CCSER1: variants seen among roughly 807,000 people sequenced by gnomAD.
CCSER1 encodes coiled-coil serine rich protein 1.
Under a neutral mutation model 82.0 loss-of-function variants are expected in CCSER1, and 41 were observed. That is an observed-to-expected ratio of 0.50 (90% CI 0.39 to 0.65). The LOEUF is 0.65. Among genes scored for constraint, CCSER1 ranks in the 30% least tolerant of loss-of-function variants. The pLI, the probability that CCSER1 is intolerant of heterozygous loss-of-function variation, is 0.00. For missense variants in CCSER1, 1,119 were observed against 1,064.2 expected (o/e 1.05, Z -0.72); for synonymous variants, 414 against 383.9 (o/e 1.08, Z -0.92).
chr4:91,224,182 T>C (rs1204982389), intron 10 of CCSER1, among the ~76,000 whole-genome samples: 1 of 152,046 alleles, frequency 6.6e-6, no homozygotes, highest in African/African-American at 2.4e-5. Flanking sequence ...GCAAATTCGC[T>C]AAAGCATGCA....
At chr4:91,087,869 TAA>T (rs566825909) in intron 10 of CCSER1, among the ~76,000 whole-genome samples, 4 of 152,138 alleles carry the variant, frequency 2.6e-5, no homozygotes, top group African/African-American at 4.8e-5. Context: ...TCCCTGTGAC[TAA>T]GAGGCCTAGT....
At chr4:90,458,568 T>A (rs1762479514) in intron 4 of CCSER1, among the ~76,000 whole-genome samples, 1 of 152,034 alleles carries the variant, frequency 6.6e-6, no homozygotes, top group Admixed American at 6.6e-5. Flanking sequence ...TTGGCCAGGC[T>A]GGTCTCGAAC....
rs550130708 is a variant in CCSER1, at chr4:91,099,807, T to C, written c.2217+13813T>C. Among the ~76,000 whole-genome samples the C allele has an allele frequency of 1.2e-4, 18 of 152,290 alleles. No homozygotes were observed. In the South Asian group the frequency reaches 3.7e-3, roughly 32 times the overall value. ...AAAAGACTGTGGAGACCAAGGTTCT[T>C]TTGAGGTCTTATAGTGGCTGCTCTT... On this transcript the variant is annotated intron_variant, in intron 10 of 10. Coordinates refer to ENST00000509176, the MANE Select transcript of CCSER1 (RefSeq NM_001145065.2).
At chr4:90,604,443 T>C (rs550563099) in intron 5 of CCSER1, among the ~76,000 whole-genome samples, 6 of 152,226 alleles carry the variant, frequency 3.9e-5, no homozygotes, top group Non-Finnish European at 8.8e-5. Context: ...ATTCAGCTCT[T>C]TAAATTTAGT....
At chr4:90,568,224 T>G (rs1779635102) in intron 5 of CCSER1, among the ~76,000 whole-genome samples, 2 of 152,322 alleles carry the variant, frequency 1.3e-5, no homozygotes, top group South Asian at 4.1e-4. Flanking sequence ...CTTATTGGTT[T>G]TCTGTCTGGA....
At chr4:90,998,196 T>G (rs1464494591) in intron 9 of CCSER1, among the ~76,000 whole-genome samples, 2 of 152,156 alleles carry the variant, frequency 1.3e-5, no homozygotes, top group East Asian at 1.9e-4. Flanking sequence ...TTCTCTTGCC[T>G]CAGCCTCCCA....
intron 9 of CCSER1, among the ~76,000 whole-genome samples, chr4:91,049,410 T>C (rs1742806939): frequency 6.6e-6 from 1 of 152,166 alleles, no homozygotes; most frequent in Non-Finnish European, 1.5e-5. Context: ...AATGGTGATA[T>C]CAGGAATTCA....
chr4:91,448,087 A>G (rs1755670278), intron 10 of CCSER1, among the ~76,000 whole-genome samples: 2 of 152,132 alleles, frequency 1.3e-5, no homozygotes, highest in Admixed American at 1.3e-4. Context: ...TGAGGATAAA[A>G]GCATGAATTG....
intron 5 of CCSER1, among the ~76,000 whole-genome samples, chr4:90,598,221 T>G (rs72871926): frequency 0.075 from 11,463 of 152,130 alleles, 815 homozygotes; most frequent in African/African-American, 0.19. Context: ...TTTGTTCTGT[T>G]TTTCCTAATG....
intron 1 of CCSER1, among the ~76,000 whole-genome samples, chr4:90,236,064 C>A (rs181865922): frequency 1.3e-5 from 2 of 152,176 alleles, no homozygotes; most frequent in Non-Finnish European, 2.9e-5. Context: ...ACCTTAGTGC[C>A]CCCAAGTAGC....
At chr4:90,557,330 C>T (rs1778258434) in intron 5 of CCSER1, among the ~76,000 whole-genome samples, 1 of 151,976 alleles carries the variant, frequency 6.6e-6, no homozygotes, top group African/African-American at 2.4e-5. Context: ...TAAATATCAG[C>T]AGTCTTTGGA....
intron 8 of CCSER1, among the ~76,000 whole-genome samples, chr4:90,913,810 A>G (rs1348315891): frequency 2.6e-5 from 3 of 114,958 alleles, no homozygotes; most frequent in African/African-American, 1.5e-4. Context: ...TACCAAGCAA[A>G]TGGAAAACAA....
chr4:90,950,556 C>T (rs971955902), intron 9 of CCSER1, among the ~76,000 whole-genome samples: 3 of 151,934 alleles, frequency 2.0e-5, no homozygotes, highest in Admixed American at 6.6e-5. Context: ...ACGTTGAATT[C>T]CCACAGCTCT....
intron 10 of CCSER1, among the ~76,000 whole-genome samples, chr4:91,222,035 G>A (rs910726947): frequency 1.3e-4 from 19 of 151,338 alleles, no homozygotes; most frequent in Non-Finnish European, 2.7e-4. Context: ...GCACAATAAT[G>A]TTGTTACAAA....
intron 7 of CCSER1, among the ~76,000 whole-genome samples, chr4:90,778,022 A>G (rs1445799969): frequency 6.6e-6 from 1 of 152,196 alleles, no homozygotes; most frequent in East Asian, 1.9e-4. Context: ...TTCAAAAAAA[A>G]AATGTTTTCT....
chr4:90,304,811 T>TA (rs550740382), intron 1 of CCSER1, among the ~76,000 whole-genome samples: 22 of 151,120 alleles, frequency 1.5e-4, no homozygotes, highest in African/African-American at 3.6e-4. Context: ...TAATAAAAAA[T>TA]AAAAAAAAAT....
chr4:91,360,699 G>A lies in CCSER1; in HGVS notation c.2218-237873G>A, dbSNP rs564907518. On this transcript the variant is annotated intron_variant, in intron 10 of 10. Transcript: ENST00000509176. ...ATGTAGAAGAAGGTTTATGGCACAA[G>A]CCTAGGTGAAAAAACAGAGAGAGAG... 2.2e-4 allele frequency among the ~76,000 whole-genome samples: 34 copies of A among 151,818 alleles called. No individual in the cohort carries two copies. The East Asian group carries it at 5.0e-3, about 22-fold the overall frequency.
chr4:91,376,904 C>CCCCCTT, intron 10 of CCSER1, among the ~76,000 whole-genome samples: 1 of 146,756 alleles, frequency 6.8e-6, no homozygotes, highest in Non-Finnish European at 1.5e-5. Context: ...CTATCCCTCC[C>CCCCCTT]CCCACCCAGG....
chr4:91,075,941 T>C, intron 9 of CCSER1, among the ~76,000 whole-genome samples: 1 of 152,164 alleles, frequency 6.6e-6, no homozygotes, highest in Non-Finnish European at 1.5e-5. Flanking sequence ...CAGTTGATAC[T>C]TCCCTAACAG....
Sources: gnomAD v4.1 joint callset for allele counts (sites outside exome capture counted in the v4.1 genomes callset) on GRCh38, gnomAD v4.1.1 for gene constraint, MANE v1.5 for transcripts, NCBI Gene and HGNC (gene_info 2026-07-23, HGNC 2026-07-21) for gene names.